Variants in ANK3 observed in about 807,000 individuals in gnomAD.
ANK3 encodes the protein ankyrin 3.
A neutral mutation model predicts 370.9 loss-of-function variants in ANK3; 57 were observed. The ratio of observed to expected loss-of-function variants is 0.15; its 90% confidence interval spans 0.12 to 0.19. The LOEUF (loss-of-function observed/expected upper bound fraction) is 0.19, where lower values mean the gene tolerates loss of function less well. ANK3 is among the 10% of genes least tolerant of loss of function. The pLI, the probability that ANK3 is intolerant of heterozygous loss-of-function variation, is 1.00. For missense variants in ANK3, 4,439 were observed against 5,302.1 expected (o/e 0.84, Z 5.06); for synonymous variants, 1,929 against 1,946.3 (o/e 0.99, Z 0.23).
intron 1 of ANK3, among the ~76,000 whole-genome samples, chr10:60,649,824 T>C (rs1207883688): frequency 2.0e-5 from 3 of 152,234 alleles, no homozygotes; most frequent in Admixed American, 6.5e-5. Context: ...TCTAGGTTCA[T>C]GATAGGATTA....
At chr10:60,292,153 T>C (rs2041549548) in intron 1 of ANK3, among the ~76,000 whole-genome samples, 1 of 152,222 alleles carries the variant, frequency 6.6e-6, no homozygotes, top group Non-Finnish European at 1.5e-5. Context: ...ATTAATAAAA[T>C]GTTTATATTT....
chr10:60,649,263 C>G (rs10761537), intron 1 of ANK3, among the ~76,000 whole-genome samples: 103,414 of 151,428 alleles, frequency 0.68, 35,422 homozygotes, highest in South Asian at 0.83. Flanking sequence ...AAACCACCCA[C>G]ATCAACACCA....
chr10:60,665,649 G>A (rs1043808746), intron 1 of ANK3, among the ~76,000 whole-genome samples: 3 of 152,092 alleles, frequency 2.0e-5, no homozygotes, highest in African/African-American at 4.8e-5. Context: ...AAATAAAATA[G>A]CAATTCTATT....
chr10:60,720,088 T>C (rs2079842979), intron 1 of ANK3, among the ~76,000 whole-genome samples: 1 of 152,206 alleles, frequency 6.6e-6, no homozygotes, highest in South Asian at 2.1e-4. Flanking sequence ...AGCAAAAGAA[T>C]CTGATGTCCT....
At chr10:60,534,183 A>T (rs1173972144) in intron 2 of ANK3, among the ~76,000 whole-genome samples, 1 of 152,152 alleles carries the variant, frequency 6.6e-6, no homozygotes, top group African/African-American at 2.4e-5. Context: ...GGTTCCCCAA[A>T]TTCACGGATC....
intron 2 of ANK3, among the ~76,000 whole-genome samples, chr10:60,414,981 C>T (rs2063631132): frequency 6.6e-6 from 1 of 152,190 alleles, no homozygotes; most frequent in Middle Eastern, 3.2e-3. Flanking sequence ...GAATTTCCTT[C>T]GAGGTCCTCT....
intron 42 of ANK3, chr10:60,043,048 G>T: frequency 8.7e-7 from 1 of 1,144,708 alleles, no homozygotes; most frequent in Non-Finnish European, 1.1e-6. Context: ...CCTATAGTAA[G>T]CTAAAAGAAA....
chr10:60,151,549 A>C (rs2132250278), intron 23 of ANK3, among the ~76,000 whole-genome samples: 1 of 152,224 alleles, frequency 6.6e-6, no homozygotes, highest in Admixed American at 6.5e-5. Context: ...TCTTACCAGA[A>C]GCAGATGGAT....
At chr10:60,121,055 C>T (rs1367392382) in intron 25 of ANK3, among the ~76,000 whole-genome samples, 2 of 152,152 alleles carry the variant, frequency 1.3e-5, no homozygotes, top group African/African-American at 4.8e-5. Flanking sequence ...TGGAAGCAAC[C>T]TAAGTGTCCA....
intron 2 of ANK3, among the ~76,000 whole-genome samples, chr10:60,592,664 T>G (rs1196422884): frequency 6.6e-6 from 1 of 152,126 alleles, no homozygotes; most frequent in East Asian, 1.9e-4. Flanking sequence ...CTCGGGAGGC[T>G]GAGGCAGAAG....
At chr10:60,097,593 CAT>C (rs2090390294) in intron 28 of ANK3, among the ~76,000 whole-genome samples, 1 of 152,144 alleles carries the variant, frequency 6.6e-6, no homozygotes, top group African/African-American at 2.4e-5. Context: ...TTATGGAGAC[CAT>C]AATACAACGA....
rs555925370 is a variant in ANK3 at position 60,444,500 on chromosome 10, G to A, written c.97-164861C>T. On this transcript the variant is annotated intron_variant, in intron 2 of 43. Coordinates refer to the ANK3 transcript ENST00000373827. Reference sequence around the variant, plus strand: ...AAAGGAGATACAGACTGGACAAAAAGTGGCTATTAACACTTAAAAACAAAA... The same window carrying A: ...AAAGGAGATACAGACTGGACAAAAAATGGCTATTAACACTTAAAAACAAAA... Among the ~76,000 whole-genome samples, 49 of 151,432 alleles carry A rather than the reference G, an allele frequency of 3.2e-4. No individual in the cohort carries two copies. In the South Asian group the frequency reaches 9.6e-3, roughly 30 times the overall value.
At chr10:60,330,185 A>G (rs534187386) in intron 1 of ANK3, among the ~76,000 whole-genome samples, 29 of 152,336 alleles carry the variant, frequency 1.9e-4, no homozygotes, top group African/African-American at 7.0e-4. Flanking sequence ...TAAAAACCCT[A>G]GAAGAAAACC....
At chr10:60,594,278 G>A (rs1214793124) in intron 2 of ANK3, among the ~76,000 whole-genome samples, 1 of 152,042 alleles carries the variant, frequency 6.6e-6, no homozygotes, top group African/African-American at 2.4e-5. Context: ...AGGGACTATA[G>A]CCACAAAAAG....
At chr10:60,305,394 T>A (rs1328865059) in intron 1 of ANK3, among the ~76,000 whole-genome samples, 2 of 151,960 alleles carry the variant, frequency 1.3e-5, no homozygotes, top group African/African-American at 4.8e-5. Context: ...AGGCAGGACA[T>A]TCGTGTCCTC....
intron 1 of ANK3, among the ~76,000 whole-genome samples, chr10:60,647,715 C>G (rs1259110476): frequency 6.6e-6 from 1 of 151,880 alleles, no homozygotes; most frequent in Non-Finnish European, 1.5e-5. Context: ...ATCAGTTGCA[C>G]AAGGAACAAG....
rs1591584907 is a variant in ANK3 at position 60,196,627 on chromosome 10, T to TCAA, written c.1690-3_1690-2insTTG. The TCAA allele has an allele frequency of 6.7e-7, 1 of 1,501,024 alleles. No individual in the cohort carries two copies. Among genetic ancestry groups the TCAA allele is most frequent in the African/African-American group, 1.8e-5 (1 of 54,804 alleles). 93.0% of individuals were successfully genotyped at this position (1,501,024 alleles called of 1,614,324 possible). A position where few individuals can be genotyped will look rare whatever the true frequency, so the allele number is the denominator to read the frequency against. ...CACATGAAGAGGAGTAAATCCTTTC[T>TCAA]GAAAAAAAAAAAACATAAAAATAAT... is the stretch of plus-strand genomic sequence containing the variant. On this transcript the variant is annotated splice_region_variant and splice_polypyrimidine_tract_variant and intron_variant, in intron 14 of 43. Coordinates refer to ENST00000280772, the MANE Select transcript of ANK3 (RefSeq NM_020987.5).
chr10:60,665,084 C>T (rs1022424551), intron 1 of ANK3, among the ~76,000 whole-genome samples: 1 of 152,120 alleles, frequency 6.6e-6, no homozygotes, highest in Non-Finnish European at 1.5e-5. Flanking sequence ...TGCTTCCCAG[C>T]CCCATTGGGT....
intron 23 of ANK3, among the ~76,000 whole-genome samples, chr10:60,157,914 GAGAGAGAGA>G (rs2095391362): frequency 9.4e-5 from 14 of 149,110 alleles, no homozygotes; most frequent in Admixed American, 8.7e-4. Flanking sequence ...GAGAGAGAGA[GAGAGAGAGA>G]GGCAGCGGCA....
Sources: gnomAD v4.1 joint callset for allele counts (sites outside exome capture counted in the v4.1 genomes callset) on GRCh38, gnomAD v4.1.1 for gene constraint, MANE v1.5 for transcripts, NCBI Gene and HGNC (gene_info 2026-07-23, HGNC 2026-07-21) for gene names.